PSD3: variants seen among roughly 807,000 people sequenced by gnomAD.
The protein encoded by PSD3 is pleckstrin and Sec7 domain containing 3.
PSD3 carries 49 observed loss-of-function variants against 105.5 expected under a neutral mutation model. The ratio of observed to expected loss-of-function variants is 0.46; its 90% CI spans 0.37 to 0.59. PSD3 has a LOEUF of 0.59. PSD3 is among the 20% of genes least tolerant of loss of function. The pLI is 0.00. For synonymous variants in PSD3, 557 were observed against 457.8 expected, an observed-to-expected ratio of 1.22 and a Z score of -2.77; for missense variants, 1,561 against 1,263.8, an observed-to-expected ratio of 1.24 and a Z score of -3.57.
intron 4 of PSD3, chr8:18,849,653 T>G (rs1051603448): frequency 6.6e-6 from 1 of 152,232 alleles, no homozygotes; most frequent in African/African-American, 2.4e-5. Context: ...CTACAGTAAT[T>G]ACAAATCTAC....
At chr8:18,657,738 C>T (rs564522016) in intron 9 of PSD3, among the ~76,000 whole-genome samples, 6 of 152,176 alleles carry the variant, frequency 3.9e-5, no homozygotes, top group Admixed American at 3.9e-4. Context: ...CTTGCATGAG[C>T]CATTTTGAAC....
chr8:18,872,733 C>T lies in PSD3; in HGVS notation c.131G>A (p.Ser44Asn), dbSNP rs763701515. ...GRSEGKAPDT[S>N]DHGGSTLLPP... is the part of the protein sequence containing the mutation. Reference sequence around the variant, plus strand: ...GAGTAAAGTGCTTCCTCCATGATCACCTGTGAAGAGAACACAATGGACATA... The same window carrying T: ...GAGTAAAGTGCTTCCTCCATGATCATCTGTGAAGAGAACACAATGGACATA... Residue 44 changes from serine to asparagine, a missense_variant and splice_region_variant, in exon 3 of 16, where the codon AGT (serine) becomes AAT (asparagine). Physicochemically the swap from Ser to Asn is conservative, Grantham distance 46. Transcript: ENST00000327040. 2.6e-6 allele frequency: 4 copies of T among 1,545,270 alleles called. No homozygotes were observed. Among genetic ancestry groups the T allele is most frequent in the African/African-American group, 2.8e-5 (2 of 72,436 alleles).
intron 8 of PSD3, among the ~76,000 whole-genome samples, chr8:18,796,927 A>C (rs984527464): frequency 6.6e-6 from 1 of 152,170 alleles, no homozygotes; most frequent in Non-Finnish European, 1.5e-5. Flanking sequence ...GAAATAATTC[A>C]TTTTATCTCC....
intron 15 of PSD3, among the ~76,000 whole-genome samples, chr8:18,538,797 C>A (rs923120535): frequency 1.3e-5 from 2 of 152,128 alleles, no homozygotes; most frequent in Non-Finnish European, 2.9e-5. Flanking sequence ...GCTCCAGCTG[C>A]AAAGCTATTG....
At position 18,766,654 on chromosome 8, in the gene PSD3, A is replaced by C. The variant is rs144521311; in HGVS notation, c.2083-1116T>G. Among the ~76,000 whole-genome samples, 179 of 152,334 alleles carry C rather than the reference A, an allele frequency of 1.2e-3. 5 individuals carry two copies. The East Asian group carries it at 0.033, about 28-fold the overall frequency. On this transcript the variant is annotated intron_variant, in intron 8 of 15. Transcript: ENST00000327040. Reference sequence around the variant, plus strand: ...GATTTACACTACTTTCAAACTAACAAGTTAGCCTGTCACAAGCTAATAAAA... The same window carrying C: ...GATTTACACTACTTTCAAACTAACACGTTAGCCTGTCACAAGCTAATAAAA...
In PSD3 at chr8:18,530,275, G is replaced by C. The variant is rs937388261; in HGVS notation, c.*5468C>G. 9 of 152,518 alleles carry C rather than the reference G, an allele frequency of 5.9e-5. No individual in the cohort carries two copies. The highest frequency in any genetic ancestry group is 1.4e-4 in the African/African-American group (6 of 41,416). 9.4% of individuals were successfully genotyped at this position (152,518 alleles called of 1,614,324 possible). A position where few individuals can be genotyped will look rare whatever the true frequency, so the allele number is the denominator to read the frequency against. On this transcript the variant is annotated 3_prime_UTR_variant, in exon 16 of 16. Transcript: ENST00000327040. ...GGCCAGTGGCTCTTCTTTGGGGAGA[G>C]GCAGGAAAAAGAGACCTAAGTATAA...
chr8:18,651,280 A>G (rs992441888), intron 10 of PSD3, among the ~76,000 whole-genome samples: 4 of 152,170 alleles, frequency 2.6e-5, no homozygotes, highest in African/African-American at 9.7e-5. Flanking sequence ...ATAAAAACCT[A>G]TAAGGTTTAT....
rs757053599 is a variant in PSD3, at chr8:18,871,945, G to C, written c.919C>G (p.Leu307Val). The C allele has an allele frequency of 6.2e-7, 1 of 1,614,186 alleles. No homozygotes were observed. Among genetic ancestry groups the C allele is most frequent in the Non-Finnish European group, 8.5e-7 (1 of 1,180,028 alleles). ...TCTCTCTTGTCTCCTCCTGTCCACA[G>C]TATTTCCACTCCTTGAAATTCCACA... ...KHVEFQGVEI[L>V]WTGGDKRETQ... Residue 307 changes from leucine to valine, a missense_variant, in exon 3 of 16, where the codon CTG (leucine) becomes GTG (valine). Leu to Val is a conservative substitution (Grantham distance 32). Coordinates refer to ENST00000327040, the MANE Select transcript of PSD3 (RefSeq NM_015310.4).
chr8:18,877,740 C>T (rs535441880), intron 2 of PSD3, among the ~76,000 whole-genome samples: 1 of 152,084 alleles, frequency 6.6e-6, no homozygotes, highest in Non-Finnish European at 1.5e-5. Context: ...CAGGGTCTCA[C>T]TACATTGCCC....
intron 11 of PSD3, among the ~76,000 whole-genome samples, chr8:18,607,179 T>C (rs1804900212): frequency 6.6e-6 from 1 of 152,136 alleles, no homozygotes; most frequent in Admixed American, 6.5e-5. Context: ...CTCACTCAAC[T>C]ATAGGACCTT....
At chr8:18,540,095 T>G (rs1175035110) in intron 15 of PSD3, among the ~76,000 whole-genome samples, 2 of 152,186 alleles carry the variant, frequency 1.3e-5, no homozygotes, top group African/African-American at 4.8e-5. Context: ...TCTGTTAGTT[T>G]CCACTGCTGC....
intron 4 of PSD3, among the ~76,000 whole-genome samples, chr8:18,859,862 A>G (rs548073966): frequency 1.3e-5 from 2 of 152,218 alleles, no homozygotes; most frequent in South Asian, 2.1e-4. Flanking sequence ...AACTTTCTCT[A>G]TATCAGAAAT....
intron 9 of PSD3, among the ~76,000 whole-genome samples, chr8:18,719,293 T>C (rs1802799081): frequency 1.3e-5 from 2 of 152,200 alleles, no homozygotes; most frequent in African/African-American, 4.8e-5. Context: ...CCTTGACTTT[T>C]TAACTGAAAT....
chr8:18,998,555 C>T (rs1010659379), intron 1 of PSD3, among the ~76,000 whole-genome samples: 1 of 151,934 alleles, frequency 6.6e-6, no homozygotes, highest in Non-Finnish European at 1.5e-5. Context: ...GGTGTGGTGG[C>T]ATGCACCTGT....
intron 2 of PSD3, among the ~76,000 whole-genome samples, chr8:18,917,516 G>A (rs990794472): frequency 4.6e-5 from 7 of 152,060 alleles, no homozygotes; most frequent in East Asian, 1.9e-4. Flanking sequence ...TAAGCAAAAC[G>A]ACCTACAGCA....
chr8:18,927,766 T>C lies in PSD3; in HGVS notation c.130+8268A>G, dbSNP rs79800859. 3.2e-3 allele frequency among the ~76,000 whole-genome samples: 486 copies of C among 152,272 alleles called. 3 individuals carry two copies. The highest frequency in any genetic ancestry group is 0.011 in the African/African-American group (454 of 41,550). ...GAAGCTACCTAGGGGCTGACAGCCA[T>C]CAGTCAACATATGAGCACACAAGAA... On this transcript the variant is annotated intron_variant, in intron 2 of 15. Transcript: ENST00000327040.
chr8:18,531,447 G>C lies in PSD3; in HGVS notation c.*4296C>G, dbSNP rs955232262. 1.2e-4 allele frequency: 16 copies of C among 138,326 alleles called. No individual in the cohort carries two copies. The highest frequency in any genetic ancestry group is 4.0e-4 in the African/African-American group (16 of 39,818). The allele number at this position is 138,326 out of a possible 1,614,324, so 8.6% of individuals were successfully genotyped here. A position where few individuals can be genotyped will look rare whatever the true frequency, so the allele number is the denominator to read the frequency against. On this transcript the variant is annotated 3_prime_UTR_variant, in exon 16 of 16. Coordinates refer to ENST00000327040, the MANE Select transcript of PSD3 (RefSeq NM_015310.4). ...TGGATGAGAGATGGAAAAGGAATCT[G>C]AGAGAAAAATCAGTGACAAAGCCCC...
chr8:18,666,796 A>G lies in PSD3; in HGVS notation c.2173-11111T>C, dbSNP rs78941041. On this transcript the variant is annotated intron_variant, in intron 9 of 15. Transcript: ENST00000327040. ...CAAATGTTCAAGTATGTCAACAGAG[A>G]GAGCAATGTAAACTACTGTGGGTGA... Among the ~76,000 whole-genome samples the G allele has an allele frequency of 4.1e-4, 62 of 152,242 alleles. No homozygotes were observed. In the East Asian group the frequency reaches 8.3e-3, roughly 20 times the overall value.
chr8:18,733,319 T>C (rs1803907307), intron 9 of PSD3: 1 of 152,214 alleles, frequency 6.6e-6, no homozygotes, highest in African/African-American at 2.4e-5. Context: ...AGCATATCTT[T>C]CTAGAAGAAA....
Sources: gnomAD v4.1 joint callset for allele counts (sites outside exome capture counted in the v4.1 genomes callset) on GRCh38, gnomAD v4.1.1 for gene constraint, MANE v1.5 for transcripts, NCBI Gene and HGNC (gene_info 2026-07-23, HGNC 2026-07-21) for gene names.